Variants in HSD17B1 observed in about 807,000 individuals in gnomAD.
The protein encoded by HSD17B1 is 17-beta-hydroxysteroid dehydrogenase type 1.
In HSD17B1, 16 loss-of-function variants were observed where a neutral mutation model predicts 22.7. The ratio of observed to expected loss-of-function variants is 0.71; its 90% CI spans 0.48 to 1.07. The LOEUF (loss-of-function observed/expected upper bound fraction) is 1.07. Among genes scored for constraint, HSD17B1 ranks in the 50% least tolerant of loss-of-function variants. HSD17B1 has a pLI of 0.00. For missense variants in HSD17B1, 533 were observed against 459.9 expected (o/e 1.16, Z -1.45); for synonymous variants, 243 against 211.0 (o/e 1.15, Z -1.31).
chr17:42,554,334 C>G, intron 4 of HSD17B1, 71 bp from the exon 5 acceptor site: 1 of 1,493,836 alleles, frequency 6.7e-7, no homozygotes, highest in Non-Finnish European at 8.9e-7. Context: ...GGGGCTGGGA[C>G]TGGGGTTGGG....
In HSD17B1 at chr17:42,553,140, G is replaced by A; in HGVS notation, c.114G>A (p.Arg38=). The A allele has an allele frequency of 6.2e-7, 1 of 1,613,846 alleles. No individual in the cohort carries two copies. Among genetic ancestry groups the A allele is most frequent in the Admixed American group, 1.7e-5 (1 of 60,026 alleles). Residue 38 remains arginine, a synonymous_variant, in exon 2 of 6, where the codon AGG becomes AGA. Coordinates refer to ENST00000585807, the MANE Select transcript of HSD17B1 (RefSeq NM_000413.4). ...AACCTCCAGTGTATGCCACGTTGAG[G>A]GACCTGAAAACACAGGGCCGGCTGT... ...SQSFKVYATL[R]DLKTQGRLWE...
In HSD17B1 at chr17:42,553,904, G is replaced by T. The variant is rs777493205; in HGVS notation, c.539+17G>T. On this transcript the variant is annotated intron_variant, in intron 4 of 5. Transcript: ENST00000585807. ...TGGGGTCCAGTGAGTCAACACCCCC[G>T]TTCCCCGAACCCTCTTAACTCTGAC... 2.0e-5 allele frequency: 32 copies of T among 1,601,546 alleles called. No homozygotes were observed. Among genetic ancestry groups the T allele is most frequent in the Non-Finnish European group, 2.5e-5 (29 of 1,171,116 alleles).
intron 4 of HSD17B1, 186 bp downstream of exon 4, chr17:42,554,073 G>A: frequency 1.5e-6 from 1 of 665,258 alleles, no homozygotes; most frequent in Non-Finnish European, 2.6e-6. Context: ...CCTAGCTGCT[G>A]AAGTGTTGGT....
In HSD17B1 at chr17:42,553,807, TG is replaced by T. The variant is rs1225077568; in HGVS notation, c.460del (p.Asp154ThrfsTer28). The T allele has an allele frequency of 6.2e-7, 1 of 1,613,202 alleles. No individual in the cohort carries two copies. Among genetic ancestry groups the T allele is most frequent in the Non-Finnish European group, 8.5e-7 (1 of 1,179,578 alleles). ...TCCCCACCTAAGGGCTGCCTTTCAA[TG>T]ACGTTTATTGCGCCAGCAAGTTCGC... The part of the protein sequence containing the change: ...VGGLMGLPFN[D>X]VYCASKFALE... On this transcript the variant is annotated frameshift_variant, in exon 4 of 6. Transcript: ENST00000585807. LOFTEE classifies it high-confidence loss of function.
Position 42,553,607 on chromosome 17 carries a change from G to C in HSD17B1, c.434G>C (p.Gly145Ala), listed in dbSNP as rs138290026. The stretch of plus-strand genomic sequence containing the variant: ...CGCGTGTTGGTGACCGGGAGCGTGG[G>C]AGGATTGATGGGTGAGTGGTAGGGA... ...SGRVLVTGSVGGLMGLPFNDV... is the reference protein window; with the variant it reads ...SGRVLVTGSVAGLMGLPFNDV... Residue 145 changes from glycine (G) to alanine (A), a missense_variant, in exon 3 of 6, where the codon GGA becomes GCA. By Grantham distance (60) the Gly-to-Ala change is moderately conservative. Coordinates refer to ENST00000585807, the MANE Select transcript of HSD17B1 (RefSeq NM_000413.4). The C allele has an allele frequency of 3.1e-5, 50 of 1,607,676 alleles. No homozygotes were observed. The highest frequency in any genetic ancestry group is 4.0e-5 in the Non-Finnish European group (47 of 1,177,252).
intron 4 of HSD17B1, 117 bp downstream of exon 4, chr17:42,554,004 A>T: frequency 1.1e-6 from 1 of 922,674 alleles, no homozygotes; most frequent in African/African-American, 1.6e-5. Context: ...CCCGGCTCAC[A>T]TTAGCTGTGT....
rs748459259 is a variant in HSD17B1 at position 42,553,512 on chromosome 17, C to G, written c.339C>G (p.Asp113Glu). 1.7e-5 allele frequency: 28 copies of G among 1,613,856 alleles called. No individual in the cohort carries two copies. Among genetic ancestry groups the G allele is most frequent in the Non-Finnish European group, 2.2e-5 (26 of 1,179,944 alleles). The change falls in exon 3 of 6, where the codon GAC becomes GAG. Residue 113 changes from aspartate to glutamate, a missense_variant. Physicochemically the swap from Asp to Glu is conservative, Grantham distance 45 (BLOSUM62 2). Coordinates refer to ENST00000585807, the MANE Select transcript of HSD17B1 (RefSeq NM_000413.4). ...LGEDAVASVLDVNVVGTVRML... is the reference protein window; with the variant it reads ...LGEDAVASVLEVNVVGTVRML... ...AGGACGCCGTGGCCTCTGTGCTGGA[C>G]GTGAATGTAGTAGGGACTGTGCGGA...
intron 4 of HSD17B1, chr17:42,554,176 C>A: frequency 1.4e-6 from 1 of 690,596 alleles, no homozygotes; most frequent in Non-Finnish European, 2.4e-6. Flanking sequence ...AATCCTGACA[C>A]CAGGGCTCCC....
chr17:42,554,881 C>T lies in HSD17B1; in HGVS notation c.930C>T (p.Ala310=), dbSNP rs777351281. 1.4e-5 allele frequency: 22 copies of T among 1,556,704 alleles called. No individual in the cohort carries two copies. Among genetic ancestry groups the T allele is most frequent in the Non-Finnish European group, 1.6e-5 (19 of 1,159,288 alleles). Residue 310 remains alanine (A), a synonymous_variant, in exon 6 of 6, where the codon GCC becomes GCT. Transcript: ENST00000585807. ...GGAGPGAEDE[A]GRGAVGDPEL... ...CCGGGCCTGGGGCAGAGGACGAGGC[C>T]GGGCGCGGTGCGGTGGGGGACCCTG...
chr17:42,553,704 A>C, intron 3 of HSD17B1, 86 bp downstream of exon 3: 2 of 1,589,152 alleles, frequency 1.3e-6, no homozygotes, highest in African/African-American at 1.5e-5. Context: ...GGGGGGGTGG[A>C]GTGGGGTGCC....
rs1430965794 is a variant in HSD17B1, at chr17:42,553,424, C to T, written c.266-15C>T. On this transcript the variant is annotated splice_polypyrimidine_tract_variant and intron_variant, in intron 2 of 5. Transcript: ENST00000585807. ...TGATGCTGAGGCGGGCTGGTCGGGC[C>T]TCTTGTCTCCGCAGTGTGTAACGCA... 3 of 1,610,974 alleles carry T rather than the reference C, an allele frequency of 1.9e-6. No individual in the cohort carries two copies. Among genetic ancestry groups the T allele is most frequent in the East Asian group, 4.5e-5 (2 of 44,898 alleles).
Position 42,554,878 on chromosome 17 carries a change from G to T in HSD17B1, c.927G>T (p.Glu309Asp). 6.4e-7 allele frequency: 1 copy of T among 1,559,628 alleles called. No individual in the cohort carries two copies. Among genetic ancestry groups the T allele is most frequent in the Non-Finnish European group, 8.6e-7 (1 of 1,160,620 alleles). The change falls in exon 6 of 6, where the codon GAG (glutamate) becomes GAT (aspartate). Residue 309 changes from glutamate (E) to aspartate (D), a missense_variant. Coordinates refer to ENST00000585807, the MANE Select transcript of HSD17B1 (RefSeq NM_000413.4). ...GGGAGPGAED[E>D]AGRGAVGDPE... ...GGGCCGGGCCTGGGGCAGAGGACGA[G>T]GCCGGGCGCGGTGCGGTGGGGGACC...
intron 4 of HSD17B1, 185 bp from the exon 5 acceptor site, chr17:42,554,220 C>T (rs2092954640): frequency 2.3e-6 from 2 of 856,156 alleles, no homozygotes; most frequent in Non-Finnish European, 3.5e-6. Flanking sequence ...AGGGCTGCTC[C>T]GGCAGGAACC....
In HSD17B1 at chr17:42,553,263, C is replaced by T. The variant is rs1330408051; in HGVS notation, c.237C>T (p.Arg79=). 2 of 1,611,164 alleles carry T rather than the reference C, an allele frequency of 1.2e-6. No homozygotes were observed. Among genetic ancestry groups the T allele is most frequent in the East Asian group, 2.2e-5 (1 of 44,852 alleles). ...DSKSVAAARE[R]VTEGRVDVLV... ...AATCCGTGGCCGCTGCCCGGGAACG[C>T]GTGACTGAGGGCCGCGTGGACGTGC... The change falls in exon 2 of 6, where the codon CGC becomes CGT. Residue 79 remains arginine, a synonymous_variant. Coordinates refer to ENST00000585807, the MANE Select transcript of HSD17B1 (RefSeq NM_000413.4).
chr17:42,553,676 T>A, intron 3 of HSD17B1, 58 bp downstream of exon 3: 1 of 1,602,070 alleles, frequency 6.2e-7, no homozygotes, highest in Non-Finnish European at 8.5e-7. Context: ...GAGCTGAGCC[T>A]TGAAGGCAGG....
chr17:42,553,974 G>C, intron 4 of HSD17B1, 87 bp downstream of exon 4: 1 of 1,164,844 alleles, frequency 8.6e-7, no homozygotes, highest in South Asian at 1.3e-5. Flanking sequence ...GCTCTGGGGC[G>C]ATCTCCCTGG....
chr17:42,553,607 G>A lies in HSD17B1; in HGVS notation c.434G>A (p.Gly145Glu). ...CGCGTGTTGGTGACCGGGAGCGTGGGAGGATTGATGGGTGAGTGGTAGGGA... is the reference window on the plus strand; with the variant it reads ...CGCGTGTTGGTGACCGGGAGCGTGGAAGGATTGATGGGTGAGTGGTAGGGA... ...SGRVLVTGSV[G>E]GLMGLPFNDV... The change falls in exon 3 of 6, where the codon GGA becomes GAA. Residue 145 changes from glycine to glutamate, a missense_variant. Physicochemically the swap from Gly to Glu is moderately conservative, Grantham distance 98. Transcript: ENST00000585807. The A allele has an allele frequency of 1.2e-6, 2 of 1,607,794 alleles. No homozygotes were observed. The highest frequency in any genetic ancestry group is 1.1e-5 in the South Asian group (1 of 90,154).
rs777403561 is a variant in HSD17B1, at chr17:42,553,571, G to C, written c.398G>C (p.Arg133Pro). 1 of 1,613,146 alleles carries C rather than the reference G, an allele frequency of 6.2e-7. No homozygotes were observed. Among genetic ancestry groups the C allele is most frequent in the Non-Finnish European group, 8.5e-7 (1 of 1,179,574 alleles). Residue 133 changes from arginine (R) to proline (P), a missense_variant, in exon 3 of 6, where the codon CGC becomes CCC. Physicochemically the swap from Arg to Pro is moderately radical, Grantham distance 103. Transcript: ENST00000585807. ...LQAFLPDMKRRGSGRVLVTGS... is the reference protein window; with the variant it reads ...LQAFLPDMKRPGSGRVLVTGS... ...GCCTTCCTGCCAGACATGAAGAGGC[G>C]CGGTTCGGGACGCGTGTTGGTGACC...
intron 4 of HSD17B1, chr17:42,554,155 C>T (rs2092954391): frequency 1.5e-6 from 1 of 657,614 alleles, no homozygotes; most frequent in Admixed American, 2.9e-5. Flanking sequence ...CCAGGGACCC[C>T]GCTAGATTCG....
Sources: allele counts gnomAD v4.1 joint callset, GRCh38; gene constraint gnomAD v4.1.1; transcripts MANE v1.5; gene names NCBI Gene and HGNC (gene_info 2026-07-23, HGNC 2026-07-21).